Variants in FBXW10 observed in about 807,000 individuals in gnomAD.
The protein encoded by FBXW10 is F-box and WD repeat domain containing 10, also known as F-box/WD repeat-containing protein 10.
Under a neutral mutation model 113.1 loss-of-function variants are expected in FBXW10, and 68 were observed. The observed-to-expected ratio is 0.60, with a 90% CI of 0.49 to 0.74. The LOEUF is 0.74. FBXW10 is among the 30% of genes least tolerant of loss of function. The pLI, the probability that FBXW10 is intolerant of heterozygous loss-of-function variation, is 0.00. For missense variants in FBXW10, 753 were observed against 1,284.5 expected, an observed-to-expected ratio of 0.59 and a Z score of 6.32; for synonymous variants, 289 against 481.6, an observed-to-expected ratio of 0.60 and a Z score of 5.24.
intron 1 of FBXW10, among the ~76,000 whole-genome samples, chr17:18,746,823 C>T (rs1276528191): frequency 3.3e-5 from 5 of 152,256 alleles, no homozygotes; most frequent in African/African-American, 1.2e-4. Flanking sequence ...ATGCAATGCT[C>T]CACAGTGCTC....
intron 1 of FBXW10, 21 bp downstream of exon 1, chr17:18,744,770 A>G: frequency 6.2e-7 from 1 of 1,607,670 alleles, no homozygotes; most frequent in East Asian, 2.2e-5. Context: ...CCACAGGCAG[A>G]GACTAGAGGG....
intron 2 of FBXW10, among the ~76,000 whole-genome samples, chr17:18,749,176 A>G (rs2151789752): frequency 6.6e-6 from 1 of 152,174 alleles, no homozygotes; most frequent in East Asian, 1.9e-4. Flanking sequence ...ATATCATTTC[A>G]GACTCTGATA....
intron 9 of FBXW10, 126 bp from the exon 10 acceptor site, chr17:18,768,408 C>T (rs1284088288): frequency 3.1e-6 from 4 of 1,282,384 alleles, no homozygotes; most frequent in South Asian, 2.9e-5. Flanking sequence ...AGCTCAGGTA[C>T]CTACCGAGTG....
chr17:18,767,324 CA>C (rs1186905676), intron 9 of FBXW10, among the ~76,000 whole-genome samples: 1 of 151,258 alleles, frequency 6.6e-6, no homozygotes, highest in African/African-American at 2.4e-5. Context: ...AAAGAAAATA[CA>C]AAAAATTAGC....
intron 1 of FBXW10, chr17:18,745,086 T>A (rs1217343503): frequency 8.1e-7 from 1 of 1,227,258 alleles, no homozygotes; most frequent in African/African-American, 1.5e-5. Context: ...GTTCCTGCTT[T>A]AGGGATTGGA....
chr17:18,751,314 C>T (rs2035165804), intron 5 of FBXW10, among the ~76,000 whole-genome samples: 1 of 151,724 alleles, frequency 6.6e-6, no homozygotes, highest in African/African-American at 2.4e-5. Context: ...CAAGCTCCGC[C>T]TCCCGGGTTC....
intron 7 of FBXW10, among the ~76,000 whole-genome samples, chr17:18,762,378 C>T (rs1307111661): frequency 6.3e-5 from 9 of 143,578 alleles, no homozygotes; most frequent in Middle Eastern, 4.3e-3. Context: ...AGTGCTGTGA[C>T]GCGATCTCGG....
Position 18,764,743 on chromosome 17 carries a change from T to C in FBXW10, c.1435T>C (p.Tyr479His). ...ATTCTTTTGGCCTGATTCCTGCAGA[T>C]ACTGGGATCTGAAAAGTGGGGTTTG... ...LSGSYDLSIRYWDLKSGVCTR... is the reference protein window; with the variant it reads ...LSGSYDLSIRHWDLKSGVCTR... The change falls in exon 8 of 14, where the codon TAC becomes CAC. Residue 479 changes from tyrosine (Y) to histidine (H), a missense_variant and splice_region_variant. Physicochemically the swap from Tyr to His is moderately conservative, Grantham distance 83. Coordinates refer to ENST00000395665, the MANE Select transcript of FBXW10 (RefSeq NM_001267585.2). The C allele has an allele frequency of 6.2e-7, 1 of 1,613,812 alleles. No individual in the cohort carries two copies.
At position 18,778,839 on chromosome 17, in the gene FBXW10, C is replaced by T. The variant is rs775957475; in HGVS notation, c.2700C>T (p.His900=). 6 of 1,613,870 alleles carry T rather than the reference C, an allele frequency of 3.7e-6. No individual in the cohort carries two copies. Among genetic ancestry groups the T allele is most frequent in the African/African-American group, 1.3e-5 (1 of 74,916 alleles). ...AGCCCAACTTGAAGATCTCTTTGCA[C>T]AGTCCTAGAGTCCAGTCCACCATAC... ...KLQPNLKISL[H]SPRVQSTIPQ... is the part of the protein sequence containing the mutation. The change falls in exon 14 of 14, where the codon CAC becomes CAT. Residue 900 remains histidine, a synonymous_variant. Transcript: ENST00000395665.
chr17:18,749,446 C>G (rs1290297698), intron 2 of FBXW10, among the ~76,000 whole-genome samples: 1 of 151,854 alleles, frequency 6.6e-6, no homozygotes, highest in Non-Finnish European at 1.5e-5. Flanking sequence ...ACTCAGGAGG[C>G]TGAGGCAGGA....
At chr17:18,750,900 T>A in intron 4 of FBXW10, 31 bp from the exon 5 acceptor site, 1 of 1,603,582 alleles carries the variant, frequency 6.2e-7, no homozygotes. Context: ...TCTGTTTTTA[T>A]TTTTATTTTT....
intron 11 of FBXW10, among the ~76,000 whole-genome samples, chr17:18,770,502 C>T (rs556079526): frequency 6.6e-6 from 1 of 152,078 alleles, no homozygotes; most frequent in South Asian, 2.1e-4. Flanking sequence ...CGGGGTTTCA[C>T]CATCTTGGCC....
chr17:18,770,251 A>G (rs2035586924), intron 11 of FBXW10, among the ~76,000 whole-genome samples, 166 bp downstream of exon 11: 1 of 151,782 alleles, frequency 6.6e-6, no homozygotes, highest in African/African-American at 2.4e-5. Context: ...GGTGGGGACT[A>G]ACAGGGCTTT....
At chr17:18,770,591 C>G (rs952084749) in intron 11 of FBXW10, among the ~76,000 whole-genome samples, 1 of 152,098 alleles carries the variant, frequency 6.6e-6, no homozygotes, top group African/African-American at 2.4e-5. Context: ...TGTGAGCCAC[C>G]ACGCCCGGCC....
chr17:18,765,109 T>C (rs543230024), intron 8 of FBXW10, among the ~76,000 whole-genome samples: 31 of 152,064 alleles, frequency 2.0e-4, no homozygotes, highest in African/African-American at 7.5e-4. Flanking sequence ...AAAAAAATAA[T>C]AGGATATGGC....
chr17:18,775,002 C>T (rs2035676851), intron 12 of FBXW10, 134 bp from the exon 13 acceptor site: 2 of 606,524 alleles, frequency 3.3e-6, no homozygotes, highest in African/African-American at 3.7e-5. Context: ...TAATTATGTA[C>T]CCATAAAAAA....
rs369871667 is a variant in FBXW10, at chr17:18,755,993, G to A, written c.1123-52G>A. 3,074 of 1,553,402 alleles carry A rather than the reference G, an allele frequency of 2.0e-3. 51 individuals are homozygous for A. The African/African-American group carries it at 0.035, about 18-fold the overall frequency. On this transcript the variant is annotated intron_variant, in intron 5 of 13. Coordinates refer to ENST00000395665, the MANE Select transcript of FBXW10 (RefSeq NM_001267585.2). ...GGGAGACCCTAGGGGCTCTGGGACT[G>A]TGGGTATTTGAAGTTACCACTGAGC...
intron 7 of FBXW10, among the ~76,000 whole-genome samples, chr17:18,760,407 C>T (rs546647103): frequency 3.9e-5 from 6 of 152,338 alleles, no homozygotes; most frequent in Admixed American, 1.3e-4. Context: ...GGAGAGCCAA[C>T]GGTGCAGATG....
chr17:18,765,438 C>T (rs747690582), intron 8 of FBXW10, among the ~76,000 whole-genome samples: 3 of 152,266 alleles, frequency 2.0e-5, no homozygotes, highest in Non-Finnish European at 4.4e-5. Context: ...AATCCCGGCT[C>T]TGCCACTCAC....
Sources: allele counts gnomAD v4.1 joint callset (sites outside exome capture counted in the v4.1 genomes callset), GRCh38; gene constraint gnomAD v4.1.1; transcripts MANE v1.5; gene names NCBI Gene and HGNC (gene_info 2026-07-23, HGNC 2026-07-21).